ADAMTSL3: variants seen among roughly 807,000 people sequenced by gnomAD.
ADAMTSL3 encodes the protein ADAMTS like 3, also known as ADAMTS-like protein 3.
ADAMTSL3 carries 128 observed loss-of-function variants against 201.7 expected under a neutral mutation model. That is an observed-to-expected ratio of 0.63 (90% CI 0.55 to 0.73). ADAMTSL3 has a LOEUF of 0.73. Among genes scored for constraint, ADAMTSL3 ranks in the 30% least tolerant of loss-of-function variants. The pLI is 0.00. For synonymous variants in ADAMTSL3, 738 were observed against 748.4 expected, an observed-to-expected ratio of 0.99 and a Z score of 0.23; for missense variants, 1,990 against 2,119.6, an observed-to-expected ratio of 0.94 and a Z score of 1.20.
At chr15:84,035,851 T>C (rs1229725387) in intron 28 of ADAMTSL3, among the ~76,000 whole-genome samples, 1 of 152,204 alleles carries the variant, frequency 6.6e-6, no homozygotes, top group Non-Finnish European at 1.5e-5. Context: ...TCTCTGCAGT[T>C]CTGTGTGTTT....
In ADAMTSL3 at chr15:84,031,443, C is replaced by T. The variant is rs897855733; in HGVS notation, c.4754+11C>T. The T allele has an allele frequency of 5.0e-6, 8 of 1,611,958 alleles. No homozygotes were observed. The highest frequency in any genetic ancestry group is 6.8e-6 in the Non-Finnish European group (8 of 1,178,242). On this transcript the variant is annotated intron_variant, in intron 28 of 29. Coordinates refer to ENST00000286744, the MANE Select transcript of ADAMTSL3 (RefSeq NM_207517.3). ...TGATGACAGAAAGAGGTAGGGGCCC[C>T]ACCCCAGAGCAGCACACATTCTCTC...
chr15:83,752,359 T>C (rs1472314388), intron 3 of ADAMTSL3, among the ~76,000 whole-genome samples: 1 of 152,116 alleles, frequency 6.6e-6, no homozygotes, highest in Admixed American at 6.5e-5. Context: ...GAATTCTATT[T>C]AAAAAAATCC....
intron 4 of ADAMTSL3, among the ~76,000 whole-genome samples, chr15:83,785,125 A>G (rs1413384265): frequency 2.6e-5 from 4 of 152,180 alleles, no homozygotes; most frequent in Admixed American, 1.3e-4. Context: ...TTTAGTGTGC[A>G]TATGAATCAC....
chr15:84,025,656 G>T (rs1168723437), intron 27 of ADAMTSL3: 1 of 468,186 alleles, frequency 2.1e-6, no homozygotes, highest in Non-Finnish European at 3.8e-6. Flanking sequence ...TTCTTTGAAT[G>T]CAGTGATGCC....
chr15:83,911,930 C>T (rs1342062441), intron 15 of ADAMTSL3, among the ~76,000 whole-genome samples: 4 of 152,100 alleles, frequency 2.6e-5, no homozygotes, highest in Non-Finnish European at 4.4e-5. Flanking sequence ...AAATGATGCA[C>T]GTAATATTTC....
chr15:83,924,937 C>G (rs574782862), intron 17 of ADAMTSL3, among the ~76,000 whole-genome samples: 121 of 152,284 alleles, frequency 7.9e-4, no homozygotes, highest in African/African-American at 2.8e-3. Flanking sequence ...AAAGCAAGTT[C>G]TGCTATGTTT....
At chr15:83,931,430 T>A (rs1412838743) in intron 17 of ADAMTSL3, among the ~76,000 whole-genome samples, 1 of 152,200 alleles carries the variant, frequency 6.6e-6, no homozygotes, top group African/African-American at 2.4e-5. Flanking sequence ...CATCCTGAAG[T>A]CACATCAATA....
intron 19 of ADAMTSL3, among the ~76,000 whole-genome samples, chr15:83,968,527 G>A (rs554827270): frequency 3.3e-5 from 5 of 152,240 alleles, no homozygotes; most frequent in African/African-American, 1.2e-4. Context: ...TGCTGGAGAG[G>A]ATATGGAGAA....
intron 4 of ADAMTSL3, among the ~76,000 whole-genome samples, chr15:83,786,644 A>G (rs1481708940): frequency 6.6e-6 from 1 of 151,908 alleles, no homozygotes; most frequent in African/African-American, 2.4e-5. Context: ...TTCGCTTCAA[A>G]CCTGCCGCTT....
intron 23 of ADAMTSL3, among the ~76,000 whole-genome samples, chr15:84,006,647 T>G (rs972301916): frequency 6.6e-6 from 1 of 152,146 alleles, no homozygotes; most frequent in Admixed American, 6.6e-5. Flanking sequence ...GAGCTGCAAG[T>G]CTTGGGGGAA....
chr15:83,791,012 C>T (rs2063335229), intron 4 of ADAMTSL3, among the ~76,000 whole-genome samples: 1 of 152,024 alleles, frequency 6.6e-6, no homozygotes, highest in Non-Finnish European at 1.5e-5. Context: ...AATAAAATAC[C>T]TAGGAATACA....
At chr15:83,862,555 A>G (rs986269083) in intron 8 of ADAMTSL3, 2 of 152,244 alleles carry the variant, frequency 1.3e-5, no homozygotes, top group African/African-American at 4.8e-5. Context: ...AATCCTTTAC[A>G]GATAAGCAAA....
In ADAMTSL3 at chr15:83,929,735, G is replaced by GAC. The variant is rs779089272; in HGVS notation, c.2117+5716_2117+5717dup. Among the ~76,000 whole-genome samples the GAC allele has an allele frequency of 3.7e-3, 546 of 147,784 alleles. 8 individuals carry two copies. Among genetic ancestry groups the GAC allele is most frequent in the African/African-American group, 0.011 (426 of 39,968 alleles). ...AGAGAGAGACAGAGAGACAGAGACA[G>GAC]ACACACACACACACAGAGAGACAGA... On this transcript the variant is annotated intron_variant, in intron 17 of 29. Transcript: ENST00000286744.
intron 5 of ADAMTSL3, among the ~76,000 whole-genome samples, chr15:83,811,783 A>G (rs1269856169): frequency 1.3e-5 from 2 of 152,248 alleles, no homozygotes; most frequent in East Asian, 1.9e-4. Flanking sequence ...GAGAGGTTTC[A>G]TAAGAATATA....
chr15:83,761,962 T>G (rs902312426), intron 3 of ADAMTSL3, among the ~76,000 whole-genome samples: 1 of 152,186 alleles, frequency 6.6e-6, no homozygotes, highest in Non-Finnish European at 1.5e-5. Context: ...GGATTGTCAC[T>G]GGAGATGTGG....
At chr15:83,776,329 C>G (rs1218663482) in intron 4 of ADAMTSL3, among the ~76,000 whole-genome samples, 1 of 152,174 alleles carries the variant, frequency 6.6e-6, no homozygotes, top group Non-Finnish European at 1.5e-5. Context: ...AGGAGTTTAA[C>G]TCCAGTGAAT....
chr15:83,923,873 A>G (rs1243984966), intron 16 of ADAMTSL3, 31 bp from the exon 17 acceptor site: 1 of 1,612,092 alleles, frequency 6.2e-7, no homozygotes, highest in South Asian at 1.1e-5. Context: ...ATTCCATGTC[A>G]TTTGCATTTT....
At chr15:83,934,175 A>AG (rs761885539) in intron 17 of ADAMTSL3, among the ~76,000 whole-genome samples, 2 of 152,066 alleles carry the variant, frequency 1.3e-5, no homozygotes, top group South Asian at 2.1e-4. Context: ...AGCAGCTGGG[A>AG]GGGGGGGCTG....
At chr15:84,004,396 G>A (rs1295420218) in intron 23 of ADAMTSL3, among the ~76,000 whole-genome samples, 1 of 152,128 alleles carries the variant, frequency 6.6e-6, no homozygotes, top group African/African-American at 2.4e-5. Flanking sequence ...AGTAAATGGG[G>A]CCAAAGAGGT....
Sources: allele counts gnomAD v4.1 joint callset (sites outside exome capture counted in the v4.1 genomes callset), GRCh38; gene constraint gnomAD v4.1.1; transcripts MANE v1.5; gene names NCBI Gene and HGNC (gene_info 2026-07-23, HGNC 2026-07-21).